The following FANCC variants were observed in gnomAD, a reference collection of about 807,000 sequenced individuals.
FANCC encodes Fanconi anemia group C protein.
FANCC carries 55 observed loss-of-function variants against 71.3 expected under a neutral mutation model. The observed-to-expected ratio is 0.77, with a 90% CI of 0.62 to 0.97. The LOEUF (loss-of-function observed/expected upper bound fraction) is 0.97. Among genes scored for constraint, FANCC ranks in the 50% least tolerant of loss-of-function variants. The pLI, the probability that FANCC is intolerant of heterozygous loss-of-function variation, is 0.00. For synonymous variants in FANCC, 275 were observed against 244.9 expected, an observed-to-expected ratio of 1.12 and a Z score of -1.15; for missense variants, 678 against 670.9, an observed-to-expected ratio of 1.01 and a Z score of -0.12.
intron 3 of FANCC, among the ~76,000 whole-genome samples, chr9:95,240,965 G>C (rs1830596183): frequency 6.6e-6 from 1 of 152,176 alleles, no homozygotes; most frequent in Non-Finnish European, 1.5e-5. Flanking sequence ...CTGTCCTTCA[G>C]AATTCCCTAA....
intron 8 of FANCC, chr9:95,127,110 G>C (rs1458833884): frequency 6.5e-6 from 1 of 154,452 alleles, no homozygotes; most frequent in African/African-American, 2.4e-5. Flanking sequence ...TTAACAGCTT[G>C]CGTTAAGATG....
intron 1 of FANCC, chr9:95,292,591 G>A: frequency 1.4e-6 from 2 of 1,461,726 alleles, no homozygotes; most frequent in Non-Finnish European, 1.9e-6. Flanking sequence ...AACATCCTGT[G>A]CACCGTGCGC....
intron 4 of FANCC, among the ~76,000 whole-genome samples, chr9:95,230,509 G>A (rs1270427514): frequency 1.3e-5 from 2 of 152,096 alleles, no homozygotes; most frequent in Admixed American, 6.5e-5. Context: ...GCGGACTCTC[G>A]CAGTGAGTGT....
intron 1 of FANCC, chr9:95,293,302 C>T: frequency 6.2e-7 from 1 of 1,613,398 alleles, no homozygotes; most frequent in South Asian, 1.1e-5. Flanking sequence ...CTACAGCCGA[C>T]TCCTCAGCCC....
At chr9:95,129,620 T>G (rs780918310) in intron 8 of FANCC, among the ~76,000 whole-genome samples, 13 of 152,206 alleles carry the variant, frequency 8.5e-5, no homozygotes, top group Non-Finnish European at 1.5e-5. Context: ...GTGGTTTCCA[T>G]CTGTTTGTTT....
chr9:95,309,447 T>C (rs2655055), intron 1 of FANCC, among the ~76,000 whole-genome samples: 142,698 of 152,232 alleles, frequency 0.94, 66,893 homozygotes, highest in Middle Eastern at 0.98. Context: ...TTTATTATAA[T>C]CTTTAATATG....
At position 95,101,172 on chromosome 9, in the gene FANCC, G is replaced by T. The variant is rs899004363; in HGVS notation, c.*535C>A. The stretch of plus-strand genomic sequence containing the variant: ...TCTGCTCCTGTGGCCTGTCAGGCAG[G>T]TCCAGGGAGACACAAGGGAAGCCTG... On this transcript the variant is annotated 3_prime_UTR_variant, in exon 15 of 15. Transcript: ENST00000289081. 1 of 252,212 alleles carries T rather than the reference G, an allele frequency of 4.0e-6. No individual in the cohort carries two copies. Among genetic ancestry groups the T allele is most frequent in the African/African-American group, 2.2e-5 (1 of 45,672 alleles). The allele number at this position is 252,212 out of a possible 1,614,324, so 15.6% of individuals were successfully genotyped here. A position where few individuals can be genotyped will look rare whatever the true frequency, so the allele number is the denominator to read the frequency against.
At chr9:95,245,560 C>T (rs1447290231) in intron 3 of FANCC, among the ~76,000 whole-genome samples, 2 of 151,440 alleles carry the variant, frequency 1.3e-5, no homozygotes, top group Non-Finnish European at 3.0e-5. Context: ...AAGTTATGTA[C>T]TACACTATAT....
chr9:95,154,129 C>A (rs1275479032), intron 6 of FANCC, among the ~76,000 whole-genome samples: 2 of 151,378 alleles, frequency 1.3e-5, no homozygotes, highest in Non-Finnish European at 2.9e-5. Flanking sequence ...ACCTGTAGTC[C>A]CAGCTACTCA....
At chr9:95,122,178 T>C (rs545419646) in intron 10 of FANCC, among the ~76,000 whole-genome samples, 10 of 152,184 alleles carry the variant, frequency 6.6e-5, no homozygotes, top group African/African-American at 2.4e-4. Flanking sequence ...AAACCAGAGG[T>C]TACCTGGAGG....
chr9:95,159,690 A>G (rs1830640161), intron 6 of FANCC, among the ~76,000 whole-genome samples: 1 of 152,132 alleles, frequency 6.6e-6, no homozygotes, highest in African/African-American at 2.4e-5. Flanking sequence ...CCTCTCCAGC[A>G]CCTGTTGTTT....
At chr9:95,186,325 A>G (rs1024128192) in intron 4 of FANCC, among the ~76,000 whole-genome samples, 3 of 152,234 alleles carry the variant, frequency 2.0e-5, no homozygotes, top group African/African-American at 7.2e-5. Flanking sequence ...TCCTTGTTGC[A>G]GGGGCCTGAC....
chr9:95,293,547 T>G, intron 1 of FANCC: 1 of 1,611,844 alleles, frequency 6.2e-7, no homozygotes, highest in Non-Finnish European at 8.5e-7. Flanking sequence ...AGGGAACACA[T>G]GTCAGAAGAA....
chr9:95,271,944 T>C (rs1196969011), intron 1 of FANCC, among the ~76,000 whole-genome samples: 1 of 120,042 alleles, frequency 8.3e-6, no homozygotes, highest in African/African-American at 3.1e-5. Context: ...TTTTTTTTTT[T>C]TTTTTTTTTT....
chr9:95,129,681 T>G (rs923514492), intron 8 of FANCC, among the ~76,000 whole-genome samples: 2 of 152,242 alleles, frequency 1.3e-5, no homozygotes, highest in African/African-American at 4.8e-5. Context: ...CTTCTCCATC[T>G]GGCCTAACAA....
chr9:95,117,667 A>G (rs1564656308), intron 10 of FANCC, among the ~76,000 whole-genome samples: 1 of 151,744 alleles, frequency 6.6e-6, no homozygotes, highest in Non-Finnish European at 1.5e-5. Context: ...ATACAAATAA[A>G]TCTTCTGTTT....
rs190632122 is a variant in FANCC, at chr9:95,123,828, C to A, written c.996+1258G>T. On this transcript the variant is annotated intron_variant, in intron 10 of 14. Transcript: ENST00000289081. ...TGAACACCCCTACTCCAATTTAGAC[C>A]TGCGGATGCTGCCCCACAACCCCCA... The A allele has an allele frequency of 1.4e-4, 91 of 665,098 alleles. 1 individual carries two copies. Among genetic ancestry groups the A allele is most frequent in the Non-Finnish European group, 3.1e-5 (11 of 355,310 alleles). 41.2% of individuals were successfully genotyped at this position (665,098 alleles called of 1,614,324 possible). A position where few individuals can be genotyped will look rare whatever the true frequency, so the allele number is the denominator to read the frequency against.
At position 95,135,354 on chromosome 9, in the gene FANCC, AATCTTT is replaced by A. The variant is rs1564678405; in HGVS notation, c.829_834del (p.Lys277_Asp278del). ...CAAAACCCAGTACGTACCAGCGATG[AATCTTT>A]TATAAAGCATTCGATCCTTCTCAGA... On this transcript the variant is annotated inframe_deletion, in exon 8 of 15. Transcript: ENST00000289081. 2.5e-6 allele frequency: 4 copies of A among 1,614,058 alleles called. No homozygotes were observed. In the Admixed American group the frequency reaches 6.7e-5, roughly 27 times the overall value.
At chr9:95,151,817 C>T (rs952693985) in intron 6 of FANCC, among the ~76,000 whole-genome samples, 5 of 151,776 alleles carry the variant, frequency 3.3e-5, no homozygotes, top group African/African-American at 1.2e-4. Context: ...GTTGCAGCTA[C>T]TCGGGGGGGC....
Sources: allele counts gnomAD v4.1 joint callset (sites outside exome capture counted in the v4.1 genomes callset), GRCh38; gene constraint gnomAD v4.1.1; transcripts MANE v1.5; gene names NCBI Gene and HGNC (gene_info 2026-07-23, HGNC 2026-07-21).